Variants in RFTN1 observed in about 807,000 individuals in gnomAD.
RFTN1 encodes raftlin.
RFTN1 carries 26 observed loss-of-function variants against 46.5 expected under a neutral mutation model. The observed-to-expected ratio is 0.56, with a 90% confidence interval of 0.41 to 0.78. The LOEUF is 0.78. Ranked by LOEUF, RFTN1 falls within the 30% of genes least tolerant of loss-of-function variation. RFTN1 has a pLI of 0.00. For missense variants in RFTN1, 693 were observed against 718.7 expected (o/e 0.96, Z 0.41); for synonymous variants, 261 against 284.2 (o/e 0.92, Z 0.82).
At chr3:16,326,342 T>G (rs1005449280) in intron 8 of RFTN1, among the ~76,000 whole-genome samples, 14 of 152,266 alleles carry the variant, frequency 9.2e-5, no homozygotes, top group African/African-American at 3.4e-4. Flanking sequence ...GGCTACACTT[T>G]CCTCAGCTGC....
Position 16,353,675 on chromosome 3 carries a change from T to G in RFTN1, c.1146+4257A>C, listed in dbSNP as rs1330770199. 1.3e-5 allele frequency among the ~76,000 whole-genome samples: 2 copies of G among 152,180 alleles called. No individual in the cohort carries two copies. Among genetic ancestry groups the G allele is most frequent in the African/African-American group, 4.8e-5 (2 of 41,444 alleles). ...CTCTACAGAAGTAATTAAGGTTAAA[T>G]GAAGTCATACGCATGGGACCCTGAT... On this transcript the variant is annotated intron_variant, in intron 7 of 9. Transcript: ENST00000334133. This position sits in a 1 kb window ranked among gnomAD's most constrained non-coding sequence, Gnocchi z 5.4.
rs754357018 is a variant in RFTN1, at chr3:16,377,808, C to G, written c.736G>C (p.Gly246Arg). Residue 246 changes from glycine to arginine, a missense_variant, in exon 5 of 10, where the codon GGT becomes CGT. Physicochemically the swap from Gly to Arg is moderately radical, Grantham distance 125. Transcript: ENST00000334133. ...ACCCCCTGTGGTGAAAGTTCTCCAC[C>G]ATCTCCCTCTCCGGAGGGTGAGCTG... ...QPSSPSGEGD[G>R]GELSPQGVSK... The G allele has an allele frequency of 8.7e-6, 14 of 1,614,178 alleles. No individual in the cohort carries two copies. In the Admixed American group the frequency reaches 2.3e-4, roughly 27 times the overall value.
At position 16,352,864 on chromosome 3, in the gene RFTN1, CAG is replaced by C. The variant is rs1217344423; in HGVS notation, c.1146+5066_1146+5067del. On this transcript the variant is annotated intron_variant, in intron 7 of 9. Coordinates refer to ENST00000334133, the MANE Select transcript of RFTN1 (RefSeq NM_015150.2). The surrounding 1 kb of genome is among the most constrained non-coding windows in gnomAD (Gnocchi z 4.6). ...CATAGTCTGTCACTCAGCTTGGAATCAGAGAGGCAGGATGCACACTCAGGCCA... is the reference window on the plus strand; with the variant it reads ...CATAGTCTGTCACTCAGCTTGGAATCAGAGGCAGGATGCACACTCAGGCCA... Among the ~76,000 whole-genome samples, 3 of 152,346 alleles carry C rather than the reference CAG, an allele frequency of 2.0e-5. No individual in the cohort carries two copies. The highest frequency in any genetic ancestry group is 1.9e-4 in the East Asian group (1 of 5,196).
intron 9 of RFTN1, among the ~76,000 whole-genome samples, chr3:16,318,331 T>C (rs937462782): frequency 2.4e-4 from 36 of 152,144 alleles, no homozygotes; most frequent in African/African-American, 8.2e-4. Flanking sequence ...ACTTAAATCT[T>C]AGACATTATA....
At chr3:16,464,520 T>A (rs1383546131) in intron 2 of RFTN1, among the ~76,000 whole-genome samples, 1 of 152,226 alleles carries the variant, frequency 6.6e-6, no homozygotes, top group Non-Finnish European at 1.5e-5. Context: ...AATTTCTCCT[T>A]TATATTTTTC....
intron 4 of RFTN1, among the ~76,000 whole-genome samples, chr3:16,398,482 T>A (rs893042920): frequency 5.3e-5 from 8 of 152,120 alleles, no homozygotes; most frequent in African/African-American, 1.7e-4. Context: ...TGAGCAAGAA[T>A]GGTTCAGAGA....
At position 16,410,475 on chromosome 3, in the gene RFTN1, T is replaced by C. The variant is rs113291408; in HGVS notation, c.333-992A>G. 2.0e-4 allele frequency among the ~76,000 whole-genome samples: 30 copies of C among 152,302 alleles called. No homozygotes were observed. Among genetic ancestry groups the C allele is most frequent in the African/African-American group, 6.0e-4 (25 of 41,568 alleles). Reference sequence around the variant, plus strand: ...CCATAATCCCTAATTGTTTTCATTTTTAAATGAAAAGAATATATTCCTATA... The same window carrying C: ...CCATAATCCCTAATTGTTTTCATTTCTAAATGAAAAGAATATATTCCTATA... On this transcript the variant is annotated intron_variant, in intron 3 of 9. Transcript: ENST00000334133. The surrounding 1 kb of genome is among the most constrained non-coding windows in gnomAD (Gnocchi z 4.6).
chr3:16,404,741 G>A (rs1473655133), intron 4 of RFTN1, among the ~76,000 whole-genome samples: 4 of 151,928 alleles, frequency 2.6e-5, no homozygotes. Flanking sequence ...CAGAGCCCTC[G>A]TTCCACACCT....
Position 16,389,125 on chromosome 3 carries a change from T to C in RFTN1, c.442-11023A>G, listed in dbSNP as rs1166928075. On this transcript the variant is annotated intron_variant, in intron 4 of 9. Transcript: ENST00000334133. ...TCCCCCCACCATCCTCTGATTTACA[T>C]AGGCTTCCAAAGCATTAATGAAACA... is the stretch of plus-strand genomic sequence containing the variant. 2.6e-5 allele frequency among the ~76,000 whole-genome samples: 4 copies of C among 152,370 alleles called. 1 individual carries two copies. Among genetic ancestry groups the C allele is most frequent in the Admixed American group, 1.3e-4 (2 of 15,302 alleles).
At chr3:16,318,832 C>A (rs1022410218) in intron 9 of RFTN1, among the ~76,000 whole-genome samples, 32 of 152,230 alleles carry the variant, frequency 2.1e-4, no homozygotes, top group South Asian at 2.1e-4. Flanking sequence ...AGCTGACAGA[C>A]TTCCCTTAGG....
intron 3 of RFTN1, 52 bp from the exon 4 acceptor site, chr3:16,409,535 T>G (rs901036136): frequency 7.7e-7 from 1 of 1,297,468 alleles, no homozygotes; most frequent in African/African-American, 1.5e-5. Flanking sequence ...TTGCATAATT[T>G]GGAGACAGTC....
At position 16,512,931 on chromosome 3, in the gene RFTN1, G is replaced by C. The variant is rs956261351; in HGVS notation, c.-9+511C>G. 3 of 152,346 alleles carry C rather than the reference G, an allele frequency of 2.0e-5. No homozygotes were observed. The highest frequency in any genetic ancestry group is 4.4e-5 in the Non-Finnish European group (3 of 68,268). The allele number at this position is 152,346 out of a possible 1,614,324, so 9.4% of individuals were successfully genotyped here. On this transcript the variant is annotated intron_variant, in intron 1 of 9. Coordinates refer to ENST00000334133, the MANE Select transcript of RFTN1 (RefSeq NM_015150.2). The surrounding 1 kb of genome is among the most constrained non-coding windows in gnomAD (Gnocchi z 4.3). ...GTCCCCAGAGCAAACCCACCTCCCA[G>C]GGCACACGCAGAGGGGCAGTCAGGC...
chr3:16,467,172 T>G lies in RFTN1; in HGVS notation c.145+26553A>C, dbSNP rs76998370. ...CTAAAGGCCTGAGCCTGGGAACCAG[T>G]GGGAGGAATGAAACAGACGGATGCA... is the stretch of plus-strand genomic sequence containing the variant. On this transcript the variant is annotated intron_variant, in intron 2 of 9. Transcript: ENST00000334133. 2.2e-4 allele frequency among the ~76,000 whole-genome samples: 33 copies of G among 151,918 alleles called. 1 individual carries two copies. The East Asian group carries it at 5.8e-3, about 27-fold the overall frequency.
At chr3:16,372,793 G>C (rs2073574672) in intron 5 of RFTN1, among the ~76,000 whole-genome samples, 2 of 152,206 alleles carry the variant, frequency 1.3e-5, no homozygotes, top group African/African-American at 2.4e-5. Context: ...TTCCCGGCTT[G>C]ATCCTCCCCA....
At position 16,370,102 on chromosome 3, in the gene RFTN1, G is replaced by A; in HGVS notation, c.1004C>T (p.Ala335Val). ...HFRKGGMLVNAVFYLGIVNDS... is the reference protein window; with the variant it reads ...HFRKGGMLVNVVFYLGIVNDS... ...ATTCACTATTCCAAGGTAGAAGACT[G>A]CGTTCACCAGCATGCCTCCTTTCCG... Residue 335 changes from alanine to valine, a missense_variant, in exon 6 of 10, where the codon GCA (alanine) becomes GTA (valine). Coordinates refer to ENST00000334133, the MANE Select transcript of RFTN1 (RefSeq NM_015150.2). This position sits in a 1 kb window ranked among gnomAD's most constrained non-coding sequence, Gnocchi z 5.5. 1 of 1,614,232 alleles carries A rather than the reference G, an allele frequency of 6.2e-7. No individual in the cohort carries two copies. The highest frequency in any genetic ancestry group is 8.5e-7 in the Non-Finnish European group (1 of 1,180,040).
At chr3:16,395,892 T>C (rs2074456189) in intron 4 of RFTN1, among the ~76,000 whole-genome samples, 1 of 152,208 alleles carries the variant, frequency 6.6e-6, no homozygotes, top group East Asian at 1.9e-4. Flanking sequence ...TGATGTCACT[T>C]GAAGCCTTGA....
In RFTN1 at chr3:16,335,523, A is replaced by C. The variant is rs768118128; in HGVS notation, c.1147-8647T>G. On this transcript the variant is annotated intron_variant, in intron 7 of 9. Transcript: ENST00000334133. The surrounding 1 kb of genome is among the most constrained non-coding windows in gnomAD (Gnocchi z 4.7). ...AACTAACGCAGGAACAGAAAATCAA[A>C]CACCACATGTTCTCACTTACAAGTG... 4.6e-5 allele frequency among the ~76,000 whole-genome samples: 7 copies of C among 152,340 alleles called. No homozygotes were observed. The highest frequency in any genetic ancestry group is 3.4e-3 in the Middle Eastern group (1 of 294).
intron 1 of RFTN1, among the ~76,000 whole-genome samples, chr3:16,497,196 T>C (rs2076639374): frequency 6.6e-6 from 1 of 152,186 alleles, no homozygotes; most frequent in Admixed American, 6.6e-5. Flanking sequence ...ATTTGTGTGC[T>C]TTCCCATACT....
rs2074072216 is a variant in RFTN1 at position 16,383,751 on chromosome 3, A to G, written c.442-5649T>C. 6.6e-6 allele frequency among the ~76,000 whole-genome samples: 1 copy of G among 152,226 alleles called. No individual in the cohort carries two copies. Among genetic ancestry groups the G allele is most frequent in the South Asian group, 2.1e-4 (1 of 4,836 alleles). On this transcript the variant is annotated intron_variant, in intron 4 of 9. Coordinates refer to ENST00000334133, the MANE Select transcript of RFTN1 (RefSeq NM_015150.2). The surrounding 1 kb of genome is among the most constrained non-coding windows in gnomAD (Gnocchi z 4.0). ...CACAGGTTGGATTTCATAAAAATGA[A>G]GGCTATATGGAACATAGGAAAAGGA...
Sources: allele counts gnomAD v4.1 joint callset (sites outside exome capture counted in the v4.1 genomes callset), GRCh38; gene constraint gnomAD v4.1.1; non-coding constraint Gnocchi (gnomAD v3.1); transcripts MANE v1.5; gene names NCBI Gene and HGNC (gene_info 2026-07-23, HGNC 2026-07-21).